The following ABCA1 variants were observed in gnomAD, a reference collection of about 807,000 sequenced individuals.
The protein encoded by ABCA1 is ATP binding cassette subfamily A member 1.
ABCA1 carries 133 observed loss-of-function variants against 262.5 expected under a neutral mutation model. That is an observed-to-expected ratio of 0.51 (90% CI 0.44 to 0.59). The LOEUF (loss-of-function observed/expected upper bound fraction) is 0.59. ABCA1 is among the 20% of genes least tolerant of loss of function. ABCA1 has a pLI of 0.00. For missense variants in ABCA1, 2,452 were observed against 2,777.5 expected (o/e 0.88, Z 2.63); for synonymous variants, 1,022 against 1,043.5 (o/e 0.98, Z 0.40).
At chr9:104,912,872 A>G (rs1395491189) in intron 1 of ABCA1, among the ~76,000 whole-genome samples, 5 of 152,204 alleles carry the variant, frequency 3.3e-5, no homozygotes, top group Non-Finnish European at 7.3e-5. Flanking sequence ...AATAAAAGGG[A>G]TCTGAAGGGA....
chr9:104,793,427 T>C, intron 40 of ABCA1, 127 bp from the exon 41 acceptor site: 1 of 1,337,096 alleles, frequency 7.5e-7, no homozygotes, highest in Non-Finnish European at 1.0e-6. Context: ...CTATCACCCA[T>C]GACAAGGAAA....
intron 27 of ABCA1, among the ~76,000 whole-genome samples, chr9:104,813,891 A>C (rs1055719249): frequency 5.2e-5 from 8 of 152,382 alleles, no homozygotes; most frequent in African/African-American, 1.9e-4. Context: ...GGATTGAGGC[A>C]CCATCTTTAT....
intron 1 of ABCA1, among the ~76,000 whole-genome samples, chr9:104,906,749 T>TA (rs1841173327): frequency 1.6e-4 from 11 of 67,934 alleles, no homozygotes; most frequent in South Asian, 4.7e-4. Context: ...CAAACCAAAA[T>TA]CAAAAAAAAA....
At chr9:104,883,191 A>G (rs1325410716) in intron 4 of ABCA1, 34 bp from the exon 5 acceptor site, 1 of 1,556,824 alleles carries the variant, frequency 6.4e-7, no homozygotes, top group Non-Finnish European at 8.9e-7. Flanking sequence ...GAAAGGCTTT[A>G]GCTAGGCCAA....
At chr9:104,796,242 CTCCT>C (rs1185180032) in intron 38 of ABCA1, 45 bp from the exon 39 acceptor site, 9 of 1,613,916 alleles carry the variant, frequency 5.6e-6, no homozygotes, top group Non-Finnish European at 7.6e-6. Flanking sequence ...AGTCCCTGCC[CTCCT>C]TCTGACACTG....
intron 1 of ABCA1, among the ~76,000 whole-genome samples, chr9:104,912,887 A>T (rs1310707974): frequency 1.3e-5 from 2 of 152,192 alleles, no homozygotes; most frequent in African/African-American, 4.8e-5. Context: ...AAGGGAAGGG[A>T]TTAGTGAATT....
chr9:104,925,618 C>T (rs552687207), intron 1 of ABCA1, among the ~76,000 whole-genome samples: 9 of 152,298 alleles, frequency 5.9e-5, no homozygotes, highest in South Asian at 2.1e-4. Context: ...TGAAGACCCA[C>T]TTCCCCGGTC....
chr9:104,792,668 T>C (rs943210146), intron 42 of ABCA1, 118 bp downstream of exon 42: 7 of 1,279,894 alleles, frequency 5.5e-6, no homozygotes, highest in African/African-American at 2.9e-5. Flanking sequence ...AACCTTGGTA[T>C]AGATGTACAT....
chr9:104,850,344 A>G (rs1268266764), intron 7 of ABCA1, among the ~76,000 whole-genome samples: 1 of 151,760 alleles, frequency 6.6e-6, no homozygotes, highest in Non-Finnish European at 1.5e-5. Flanking sequence ...CTGGTCTCCA[A>G]CTCCTGACCT....
chr9:104,889,968 G>T (rs761124748), intron 2 of ABCA1, among the ~76,000 whole-genome samples: 8 of 152,146 alleles, frequency 5.3e-5, no homozygotes, highest in Non-Finnish European at 7.3e-5. Context: ...AAACAATGAG[G>T]TTTCTCCAAA....
chr9:104,824,367 C>A (rs1036788046), intron 18 of ABCA1, 98 bp downstream of exon 18: 5 of 1,575,228 alleles, frequency 3.2e-6, no homozygotes, highest in Non-Finnish European at 2.6e-6. Context: ...AGTGGTTTCA[C>A]AGTCTTTTAG....
At chr9:104,909,325 G>A (rs1461150981) in intron 1 of ABCA1, among the ~76,000 whole-genome samples, 2 of 152,098 alleles carry the variant, frequency 1.3e-5, no homozygotes, top group Non-Finnish European at 2.9e-5. Context: ...ACCAGGGATG[G>A]GAAACAGACA....
intron 7 of ABCA1, among the ~76,000 whole-genome samples, chr9:104,854,307 A>C (rs1835645779): frequency 6.6e-6 from 1 of 152,186 alleles, no homozygotes; most frequent in African/African-American, 2.4e-5. Flanking sequence ...CCAAAAAAAC[A>C]CAGCCCCACA....
chr9:104,862,644 C>CGGGCAGCGCCGGGCAGGGCCGGGCA lies in ABCA1; in HGVS notation c.422-845_422-844insTGCCCGGCCCTGCCCGGCGCTGCCC, dbSNP rs1554729316. The stretch of plus-strand genomic sequence containing the variant: ...TAAAATGCAGACTGCCGGGCCGGGC[C>CGGGCAGCGCCGGGCAGGGCCGGGCA]GGGCCGGGCCGGGCCGGGCCGGGCC... On this transcript the variant is annotated intron_variant, in intron 5 of 49. Transcript: ENST00000374736. 5.3e-4 allele frequency among the ~76,000 whole-genome samples: 4 copies of CGGGCAGCGCCGGGCAGGGCCGGGCA among 7,536 alleles called. 1 individual carries two copies. Among genetic ancestry groups the CGGGCAGCGCCGGGCAGGGCCGGGCA allele is most frequent in the African/African-American group, 3.8e-4 (1 of 2,610 alleles). 4.9% of individuals were successfully genotyped at this position (7,536 alleles called of 152,430 possible).
chr9:104,891,210 T>A (rs2118344257), intron 2 of ABCA1, among the ~76,000 whole-genome samples: 1 of 152,320 alleles, frequency 6.6e-6, no homozygotes, highest in East Asian at 1.9e-4. Context: ...CTGATATTTT[T>A]AAAAAACTGT....
At position 104,825,902 on chromosome 9, in the gene ABCA1, C is replaced by T; in HGVS notation, c.2338-15G>A. On this transcript the variant is annotated splice_polypyrimidine_tract_variant and intron_variant, in intron 16 of 49. Coordinates refer to ENST00000374736, the MANE Select transcript of ABCA1 (RefSeq NM_005502.4). ...GACAGCAGGCTCTGTGAGAAACAGG[C>T]AAAGTCACCTATCCATTTCCTGGTC... 1 of 1,612,994 alleles carries T rather than the reference C, an allele frequency of 6.2e-7. No homozygotes were observed. The highest frequency in any genetic ancestry group is 1.1e-5 in the South Asian group (1 of 91,020).
chr9:104,812,563 G>A lies in ABCA1; in HGVS notation c.4050+11C>T. ...GAAGCCAGAGTCTCTGGCGAAAACA[G>A]CACGTCTCACCTGAGCAAAAAATCC... is the stretch of plus-strand genomic sequence containing the variant. On this transcript the variant is annotated intron_variant, in intron 28 of 49. Transcript: ENST00000374736. 1.2e-6 allele frequency: 2 copies of A among 1,614,140 alleles called. No homozygotes were observed. The highest frequency in any genetic ancestry group is 1.7e-6 in the Non-Finnish European group (2 of 1,180,020).
chr9:104,882,173 AC>A (rs1838738855), intron 5 of ABCA1, among the ~76,000 whole-genome samples: 1 of 151,930 alleles, frequency 6.6e-6, no homozygotes, highest in Admixed American at 6.6e-5. Context: ...CTCCCTAAAC[AC>A]CAAACGGAAT....
chr9:104,870,397 A>G (rs528687199), intron 5 of ABCA1, among the ~76,000 whole-genome samples: 9 of 152,330 alleles, frequency 5.9e-5, no homozygotes, highest in Admixed American at 2.6e-4. Flanking sequence ...CAGAGCGGTG[A>G]GCCTCCAACC....
Sources: gnomAD v4.1 joint callset for allele counts (sites outside exome capture counted in the v4.1 genomes callset) on GRCh38, gnomAD v4.1.1 for gene constraint, MANE v1.5 for transcripts, NCBI Gene and HGNC (gene_info 2026-07-23, HGNC 2026-07-21) for gene names.